The following KHDRBS2 variants were observed in gnomAD, a reference collection of about 807,000 sequenced individuals.
The protein encoded by KHDRBS2 is KH domain-containing, RNA-binding, signal transduction-associated protein 2.
KHDRBS2 carries 26 observed loss-of-function variants against 44.3 expected under a neutral mutation model. The ratio of observed to expected loss-of-function variants is 0.59; its 90% CI spans 0.43 to 0.81. The LOEUF (loss-of-function observed/expected upper bound fraction) is 0.81. Among genes scored for constraint, KHDRBS2 ranks in the 40% least tolerant of loss-of-function variants. The pLI is 0.00. For synonymous variants in KHDRBS2, 194 were observed against 151.1 expected (o/e 1.28, Z -2.08); for missense variants, 476 against 433.1 (o/e 1.10, Z -0.88).
At chr6:62,095,977 C>A (rs1208709738) in intron 2 of KHDRBS2, among the ~76,000 whole-genome samples, 1 of 151,854 alleles carries the variant, frequency 6.6e-6, no homozygotes, top group Non-Finnish European at 1.5e-5. Flanking sequence ...TTCGGATGAT[C>A]ATATAATTTA....
intron 6 of KHDRBS2, among the ~76,000 whole-genome samples, chr6:61,864,197 C>T (rs1340177234): frequency 1.3e-5 from 2 of 152,142 alleles, no homozygotes; most frequent in Non-Finnish European, 2.9e-5. Context: ...CTCTTGAAGA[C>T]AGCATACTGA....
chr6:61,637,617 C>T, the KHDRBS2 span, among the ~76,000 whole-genome samples: 1 of 152,082 alleles, frequency 6.6e-6, no homozygotes, highest in East Asian at 1.9e-4. Flanking sequence ...ACACTGACTT[C>T]CACAATGGTT....
intron 1 of KHDRBS2, among the ~76,000 whole-genome samples, chr6:62,190,651 A>G (rs764577873): frequency 1.8e-4 from 28 of 152,050 alleles, no homozygotes; most frequent in Admixed American, 1.3e-3. Context: ...CTCTATATTT[A>G]CATTCTAAAA....
chr6:61,617,792 A>C, the KHDRBS2 span, among the ~76,000 whole-genome samples: 1 of 152,142 alleles, frequency 6.6e-6, no homozygotes, highest in Non-Finnish European at 1.5e-5. Context: ...GTATTTGCCT[A>C]TGTCGAGGCA....
At chr6:62,210,671 T>A (rs1425643410) in intron 1 of KHDRBS2, among the ~76,000 whole-genome samples, 1 of 152,180 alleles carries the variant, frequency 6.6e-6, no homozygotes, top group Non-Finnish European at 1.5e-5. Context: ...AATATCTTAT[T>A]TATTCACATT....
chr6:61,887,270 T>C (rs1326969494), intron 6 of KHDRBS2, among the ~76,000 whole-genome samples: 1 of 152,172 alleles, frequency 6.6e-6, no homozygotes, highest in Non-Finnish European at 1.5e-5. Context: ...AAAGTGTTAG[T>C]TTTAATTTAT....
chr6:61,788,094 A>C (rs1266100068), intron 6 of KHDRBS2, among the ~76,000 whole-genome samples: 3 of 151,634 alleles, frequency 2.0e-5, no homozygotes, highest in Non-Finnish European at 4.4e-5. Flanking sequence ...CAACAATTTG[A>C]GTAGTTTTCT....
At chr6:61,734,118 T>C (rs1488855150) in intron 6 of KHDRBS2, among the ~76,000 whole-genome samples, 1 of 152,208 alleles carries the variant, frequency 6.6e-6, no homozygotes, top group Non-Finnish European at 1.5e-5. Flanking sequence ...TATTTCCTTA[T>C]TTCTTCATTT....
the KHDRBS2 span, among the ~76,000 whole-genome samples, chr6:61,587,133 C>CG: frequency 1.3e-5 from 2 of 152,180 alleles, no homozygotes; most frequent in African/African-American, 4.8e-5. Flanking sequence ...TATCACTCTC[C>CG]TGATAGCAAG....
At chr6:62,097,359 A>G (rs1336096894) in intron 2 of KHDRBS2, among the ~76,000 whole-genome samples, 1 of 151,672 alleles carries the variant, frequency 6.6e-6, no homozygotes, top group Non-Finnish European at 1.5e-5. Context: ...GCATTTGACT[A>G]TTTCTCTCTC....
Position 62,215,238 on chromosome 6 carries a change from A to G in KHDRBS2, c.92-37926T>C, listed in dbSNP as rs76939373. Among the ~76,000 whole-genome samples, 418 of 152,078 alleles carry G rather than the reference A, an allele frequency of 2.7e-3. 3 individuals carry two copies. Among genetic ancestry groups the G allele is most frequent in the African/African-American group, 9.7e-3 (403 of 41,550 alleles). On this transcript the variant is annotated intron_variant, in intron 1 of 8. Transcript: ENST00000281156. ...CCAATTCTGAGCTCTAGAATTAGAC[A>G]TATGTCCCCCCTCACCTACCCACAT...
chr6:61,990,792 C>G (rs1775988631), intron 3 of KHDRBS2, among the ~76,000 whole-genome samples: 1 of 151,654 alleles, frequency 6.6e-6, no homozygotes, highest in South Asian at 2.1e-4. Flanking sequence ...TCACTGCAAT[C>G]TCTGCCTCCT....
At chr6:61,562,653 A>G in the KHDRBS2 span, among the ~76,000 whole-genome samples, 80 of 152,240 alleles carry the variant, frequency 5.3e-4, no homozygotes, top group Non-Finnish European at 9.9e-4. Flanking sequence ...TGAAATGCAA[A>G]CATCAAGGAA....
At chr6:61,832,276 T>C (rs1350086568) in intron 6 of KHDRBS2, among the ~76,000 whole-genome samples, 2 of 152,086 alleles carry the variant, frequency 1.3e-5, no homozygotes, top group African/African-American at 2.4e-5. Flanking sequence ...TGGTCTAAAT[T>C]ATTTTTAAAT....
chr6:61,713,785 C>T (rs1425149161), intron 7 of KHDRBS2, among the ~76,000 whole-genome samples: 1 of 151,496 alleles, frequency 6.6e-6, no homozygotes, highest in African/African-American at 2.4e-5. Context: ...ACAATATAGA[C>T]TGGGGAAAGA....
At chr6:62,256,809 G>T (rs73760339) in intron 1 of KHDRBS2, among the ~76,000 whole-genome samples, 1 of 152,018 alleles carries the variant, frequency 6.6e-6, no homozygotes, top group Non-Finnish European at 1.5e-5. Context: ...TGGAATATGG[G>T]AACAGAAACT....
At chr6:62,088,609 C>G (rs530552235) in intron 2 of KHDRBS2, among the ~76,000 whole-genome samples, 1 of 152,124 alleles carries the variant, frequency 6.6e-6, no homozygotes, top group Non-Finnish European at 1.5e-5. Context: ...AGATGCCAGC[C>G]AGAGCTCTCC....
chr6:61,807,417 A>G (rs1004774252), intron 6 of KHDRBS2, among the ~76,000 whole-genome samples: 10 of 152,156 alleles, frequency 6.6e-5, no homozygotes, highest in African/African-American at 2.4e-4. Flanking sequence ...CATGGACTCA[A>G]CCTAAATGTC....
intron 6 of KHDRBS2, among the ~76,000 whole-genome samples, chr6:61,797,207 T>TA (rs1437341019): frequency 1.3e-5 from 2 of 152,028 alleles, no homozygotes; most frequent in Non-Finnish European, 2.9e-5. Flanking sequence ...TTAGGGGCAG[T>TA]AAAAAAGAAA....
Sources: gnomAD v4.1 joint callset for allele counts (sites outside exome capture counted in the v4.1 genomes callset) on GRCh38, gnomAD v4.1.1 for gene constraint, MANE v1.5 for transcripts, NCBI Gene and HGNC (gene_info 2026-07-23, HGNC 2026-07-21) for gene names.